Variants in RPH3A observed in about 807,000 individuals in gnomAD.
RPH3A encodes the protein rabphilin 3A, also known as rabphilin-3A.
RPH3A carries 48 observed loss-of-function variants against 102.2 expected under a neutral mutation model. The observed-to-expected ratio is 0.47, with a 90% CI of 0.37 to 0.60. The LOEUF (loss-of-function observed/expected upper bound fraction) is 0.60, where lower values mean the gene tolerates loss of function less well. Ranked by LOEUF, RPH3A falls within the 20% of genes least tolerant of loss-of-function variation. The probability of loss-of-function intolerance (pLI) is 0.00; values close to 1 mark genes in which losing one functional copy is unlikely to be tolerated. For synonymous variants in RPH3A, 310 were observed against 324.3 expected (o/e 0.96, Z 0.47); for missense variants, 781 against 910.1 (o/e 0.86, Z 1.83).
At position 112,663,312 on chromosome 12, in the gene RPH3A, C is replaced by T. The variant is rs557583595; in HGVS notation, c.-140+87993C>T. On this transcript the variant is annotated intron_variant, in intron 1 of 21. Transcript: ENST00000543106. ...GCAGCCTTGAACTTCTGGGCTTAAG[C>T]GATCCTCCCACCTCAGTCTCCTGAG... Among the ~76,000 whole-genome samples, 10 of 152,068 alleles carry T rather than the reference C, an allele frequency of 6.6e-5. No homozygotes were observed. The East Asian group carries it at 1.2e-3, about 18-fold the overall frequency.
intron 1 of RPH3A, among the ~76,000 whole-genome samples, chr12:112,645,144 A>G (rs1370446903): frequency 2.6e-5 from 4 of 152,212 alleles, no homozygotes; most frequent in African/African-American, 9.6e-5. Context: ...AATGAAGCTT[A>G]TGAATGAGGT....
At chr12:112,868,622 G>A (rs1393151770) in intron 8 of RPH3A, 27 bp downstream of exon 8, 2 of 1,605,466 alleles carry the variant, frequency 1.2e-6, no homozygotes, top group Non-Finnish European at 1.7e-6. Context: ...GCTTCTTTCA[G>A]GACCAAGGAC....
At chr12:112,769,751 G>A (rs1747023273) in intron 1 of RPH3A, among the ~76,000 whole-genome samples, 1 of 152,156 alleles carries the variant, frequency 6.6e-6, no homozygotes, top group South Asian at 2.1e-4. Context: ...CTGGGGTCAG[G>A]CTATTCTTTC....
intron 16 of RPH3A, 31 bp downstream of exon 16, chr12:112,883,433 G>T: frequency 6.5e-7 from 1 of 1,533,872 alleles, no homozygotes; most frequent in Non-Finnish European, 9.0e-7. Context: ...AGAGAGGGAG[G>T]CAAAGGGGAG....
intron 1 of RPH3A, among the ~76,000 whole-genome samples, chr12:112,596,062 G>A (rs141596472): frequency 2.0e-3 from 312 of 152,272 alleles, no homozygotes; most frequent in African/African-American, 7.1e-3. Context: ...ATGTGTGGAC[G>A]AAGGGTGGGT....
chr12:112,860,528 G>A (rs959541460), intron 5 of RPH3A, among the ~76,000 whole-genome samples: 3 of 152,194 alleles, frequency 2.0e-5, no homozygotes, highest in African/African-American at 7.2e-5. Context: ...TGCAAGTGAC[G>A]GGCAAGTCCA....
intron 5 of RPH3A, among the ~76,000 whole-genome samples, chr12:112,860,598 C>T (rs769119016): frequency 9.2e-5 from 14 of 152,180 alleles, no homozygotes; most frequent in Non-Finnish European, 1.6e-4. Context: ...AAGCACACTG[C>T]GGTTTAGAAT....
intron 1 of RPH3A, among the ~76,000 whole-genome samples, chr12:112,778,557 C>T (rs189897105): frequency 3.3e-5 from 5 of 152,250 alleles, no homozygotes; most frequent in African/African-American, 9.6e-5. Context: ...ACAACAACAA[C>T]AAAAGGCAGG....
intron 1 of RPH3A, among the ~76,000 whole-genome samples, chr12:112,713,749 C>T (rs551195776): frequency 6.6e-6 from 1 of 152,170 alleles, no homozygotes; most frequent in African/African-American, 2.4e-5. Flanking sequence ...AGGGGAGAGG[C>T]ACCCAATTTG....
chr12:112,886,350 G>A (rs1181027599), intron 16 of RPH3A, among the ~76,000 whole-genome samples: 1 of 152,034 alleles, frequency 6.6e-6, no homozygotes, highest in East Asian at 1.9e-4. Context: ...ATGAACTGGG[G>A]TAGGGAGAAG....
At chr12:112,871,368 C>T (rs1349202035) in intron 10 of RPH3A, among the ~76,000 whole-genome samples, 1 of 152,160 alleles carries the variant, frequency 6.6e-6, no homozygotes, top group Non-Finnish European at 1.5e-5. Flanking sequence ...CTGCCCAGCC[C>T]CTGGTAACCA....
intron 7 of RPH3A, chr12:112,868,117 G>T: frequency 3.8e-6 from 1 of 262,274 alleles, no homozygotes; most frequent in Non-Finnish European, 7.3e-6. Context: ...TGGAAGACTT[G>T]GAGTTGAGCC....
chr12:112,634,665 GTA>G (rs1483249874), intron 1 of RPH3A, among the ~76,000 whole-genome samples: 2 of 151,962 alleles, frequency 1.3e-5, no homozygotes, highest in African/African-American at 4.8e-5. Context: ...TGTCCCATCT[GTA>G]GTACACCAGA....
chr12:112,794,784 T>C (rs963521694), intron 2 of RPH3A, among the ~76,000 whole-genome samples: 6 of 152,072 alleles, frequency 3.9e-5, no homozygotes, highest in Non-Finnish European at 8.8e-5. Flanking sequence ...GGCAGCAACA[T>C]ATAAACCCAC....
chr12:112,584,511 G>A lies in RPH3A; in HGVS notation c.-140+9192G>A, dbSNP rs139793194. ...TGGTCTACTTCTGATCCAATTAACTGTGTCAGGCTGGGGGTGTGGTCCAAA... is the reference window on the plus strand; with the variant it reads ...TGGTCTACTTCTGATCCAATTAACTATGTCAGGCTGGGGGTGTGGTCCAAA... On this transcript the variant is annotated intron_variant, in intron 1 of 21. Coordinates refer to the RPH3A transcript ENST00000543106. Among the ~76,000 whole-genome samples the A allele has an allele frequency of 2.0e-5, 3 of 152,294 alleles. No homozygotes were observed. The East Asian group carries it at 5.8e-4, about 29-fold the overall frequency.
rs79143326 is a variant in RPH3A at position 112,683,466 on chromosome 12, A to G, written c.-140+108147A>G. 6.9e-3 allele frequency among the ~76,000 whole-genome samples: 1,053 copies of G among 152,242 alleles called. 15 individuals are homozygous for G. The highest frequency in any genetic ancestry group is 0.025 in the African/African-American group (1,018 of 41,510). The stretch of plus-strand genomic sequence containing the variant: ...CTTAGTTTGGGTCCCTCTAAAGATG[A>G]CCCTGAGACAAGGACTAAGGTGCAG... On this transcript the variant is annotated intron_variant, in intron 1 of 21. Coordinates refer to the RPH3A transcript ENST00000543106.
intron 15 of RPH3A, 94 bp downstream of exon 15, chr12:112,881,940 G>T: frequency 1.1e-6 from 1 of 926,478 alleles, no homozygotes. Flanking sequence ...AGCCTTATCT[G>T]CCCCAAATCC....
chr12:112,756,462 T>G (rs1401803753), intron 1 of RPH3A, among the ~76,000 whole-genome samples: 1 of 152,244 alleles, frequency 6.6e-6, no homozygotes, highest in Non-Finnish European at 1.5e-5. Context: ...TCCACCTGCC[T>G]TGGCCTCCCA....
At chr12:112,862,631 G>A (rs2042538175) in intron 5 of RPH3A, among the ~76,000 whole-genome samples, 2 of 152,108 alleles carry the variant, frequency 1.3e-5, no homozygotes, top group African/African-American at 2.4e-5. Context: ...GAATTGAGAA[G>A]AGCGTGCTGC....
Sources: allele counts gnomAD v4.1 joint callset (sites outside exome capture counted in the v4.1 genomes callset), GRCh38; gene constraint gnomAD v4.1.1; transcripts MANE v1.5; gene names NCBI Gene and HGNC (gene_info 2026-07-23, HGNC 2026-07-21).